The following SIRPA variants were observed in gnomAD, a reference collection of about 807,000 sequenced individuals.
The protein encoded by SIRPA is tyrosine-protein phosphatase non-receptor type substrate 1.
SIRPA carries 9 observed loss-of-function variants against 50.3 expected under a neutral mutation model. The ratio of observed to expected loss-of-function variants is 0.18; its 90% confidence interval spans 0.11 to 0.31. The LOEUF (loss-of-function observed/expected upper bound fraction) is 0.31, where lower values mean the gene tolerates loss of function less well. Ranked by LOEUF, SIRPA falls within the 10% of genes least tolerant of loss-of-function variation. SIRPA has a pLI of 1.00. For missense variants in SIRPA, 474 were observed against 661.6 expected (o/e 0.72, Z 3.11); for synonymous variants, 265 against 284.1 (o/e 0.93, Z 0.68).
Position 1,924,982 on chromosome 20 carries a change from G to C in SIRPA, c.1201+105G>C. 2.3e-6 allele frequency: 2 copies of C among 867,776 alleles called. No individual in the cohort carries two copies. The highest frequency in any genetic ancestry group is 3.8e-6 in the Non-Finnish European group (2 of 528,690). The allele number at this position is 867,776 out of a possible 1,614,324, so 53.8% of individuals were successfully genotyped here. A position where few individuals can be genotyped will look rare whatever the true frequency, so the allele number is the denominator to read the frequency against. ...TTAAGGACATCAGCTTCTGCCAGTAGCAAGAAGTCCAGAGGTAGTGGTGCT... is the reference window on the plus strand; with the variant it reads ...TTAAGGACATCAGCTTCTGCCAGTACCAAGAAGTCCAGAGGTAGTGGTGCT... On this transcript the variant is annotated intron_variant, in intron 5 of 7. Transcript: ENST00000358771. This position sits in a 1 kb window ranked among gnomAD's most constrained non-coding sequence, Gnocchi z 4.5.
At chr20:1,925,847 AT>A (rs1432602934) in intron 5 of SIRPA, among the ~76,000 whole-genome samples, 3 of 152,190 alleles carry the variant, frequency 2.0e-5, no homozygotes, top group Non-Finnish European at 4.4e-5. Context: ...TTAAGCTGGT[AT>A]TTCTGCAACC....
At chr20:1,931,864 C>T (rs1417494376) in intron 6 of SIRPA, among the ~76,000 whole-genome samples, 2 of 152,176 alleles carry the variant, frequency 1.3e-5, no homozygotes, top group South Asian at 2.1e-4. Flanking sequence ...ACTGATCATT[C>T]GATCAGCCAT....
intron 1 of SIRPA, among the ~76,000 whole-genome samples, chr20:1,904,114 A>G (rs1440940518): frequency 6.6e-6 from 1 of 152,118 alleles, no homozygotes; most frequent in African/African-American, 2.4e-5. Flanking sequence ...TAACTACCAC[A>G]GTCCCCCCCC....
chr20:1,921,453 A>G lies in SIRPA; in HGVS notation c.495A>G (p.Thr165=). 1 of 1,613,830 alleles carries G rather than the reference A, an allele frequency of 6.2e-7. No homozygotes were observed. The highest frequency in any genetic ancestry group is 8.5e-7 in the Non-Finnish European group (1 of 1,179,836). Residue 165 remains threonine, a synonymous_variant, in exon 3 of 8, where the codon ACA becomes ACG. Transcript: ENST00000358771. ...GPAARATPQH[T]VSFTCESHGF... is the part of the protein sequence containing the mutation. ...CGGCGAGGGCCACACCTCAGCACAC[A>G]GTGAGCTTCACCTGCGAGTCCCACG...
At chr20:1,921,187 A>G (rs1985627074) in intron 2 of SIRPA, among the ~76,000 whole-genome samples, 1 of 152,126 alleles carries the variant, frequency 6.6e-6, no homozygotes, top group African/African-American at 2.4e-5. Flanking sequence ...CTGCCCCTAC[A>G]CTGTCTGACC....
chr20:1,905,371 C>G (rs1342274033), intron 1 of SIRPA, among the ~76,000 whole-genome samples: 1 of 152,190 alleles, frequency 6.6e-6, no homozygotes, highest in Non-Finnish European at 1.5e-5. Flanking sequence ...CCACCTCTGC[C>G]ACTTACCTAC....
At position 1,895,531 on chromosome 20, in the gene SIRPA, G is replaced by A; in HGVS notation, c.79+5G>A. On this transcript the variant is annotated splice_donor_5th_base_variant and intron_variant, in intron 1 of 7. Transcript: ENST00000358771. ...CCGCGTCCTGCGCCTGGTCAGGTAA[G>A]CACCCCCCCGCTCCCCACCGCTGCA... 1 of 1,446,672 alleles carries A rather than the reference G, an allele frequency of 6.9e-7. No individual in the cohort carries two copies. The highest frequency in any genetic ancestry group is 9.1e-7 in the Non-Finnish European group (1 of 1,101,438). 89.6% of individuals were successfully genotyped at this position (1,446,672 alleles called of 1,614,324 possible).
At position 1,924,077 on chromosome 20, in the gene SIRPA, G is replaced by T. The variant is rs1422970383; in HGVS notation, c.1088-687G>T. On this transcript the variant is annotated intron_variant, in intron 4 of 7. Transcript: ENST00000358771. This position sits in a 1 kb window ranked among gnomAD's most constrained non-coding sequence, Gnocchi z 4.5. ...GAGATGACTGTTGGCCCCAGTAACA[G>T]AAGAAGCAGCCAGGGTTTGGAGGGA... Among the ~76,000 whole-genome samples, 2 of 152,192 alleles carry T rather than the reference G, an allele frequency of 1.3e-5. No individual in the cohort carries two copies. Among genetic ancestry groups the T allele is most frequent in the Non-Finnish European group, 2.9e-5 (2 of 68,036 alleles).
chr20:1,907,952 T>A (rs546760052), intron 1 of SIRPA, among the ~76,000 whole-genome samples: 2 of 152,320 alleles, frequency 1.3e-5, no homozygotes, highest in African/African-American at 4.8e-5. Context: ...CCTTCCTGCA[T>A]GGGGTCATGG....
rs952084847 is a variant in SIRPA at position 1,936,609 on chromosome 20, C to T, written c.1267-711C>T. ...TCTGTCTCCCTGTCCCCAGCTTTGC[C>T]CTGAGTGAAGGTGAAATTATTGCCA... On this transcript the variant is annotated intron_variant, in intron 7 of 7. Transcript: ENST00000358771. The surrounding 1 kb of genome is among the most constrained non-coding windows in gnomAD (Gnocchi z 4.2). Among the ~76,000 whole-genome samples, 1 of 152,168 alleles carries T rather than the reference C, an allele frequency of 6.6e-6. No homozygotes were observed. Among genetic ancestry groups the T allele is most frequent in the South Asian group, 2.1e-4 (1 of 4,816 alleles).
Position 1,937,847 on chromosome 20 carries a change from G to A in SIRPA, c.*279G>A, listed in dbSNP as rs1487173967. On this transcript the variant is annotated 3_prime_UTR_variant, in exon 8 of 8. Transcript: ENST00000358771. The surrounding 1 kb of genome is among the most constrained non-coding windows in gnomAD (Gnocchi z 8.3). ...CTGGGAAGTGGCCAGAACTGCCTGGGGTCCAAGAACTCTTGTGCCTCCGTC... is the reference window on the plus strand; with the variant it reads ...CTGGGAAGTGGCCAGAACTGCCTGGAGTCCAAGAACTCTTGTGCCTCCGTC... The A allele has an allele frequency of 2.9e-5, 14 of 481,418 alleles. No individual in the cohort carries two copies. Among genetic ancestry groups the A allele is most frequent in the Middle Eastern group, 1.1e-3 (2 of 1,832 alleles). The allele number at this position is 481,418 out of a possible 1,614,324, so 29.8% of individuals were successfully genotyped here. A position where few individuals can be genotyped will look rare whatever the true frequency, so the allele number is the denominator to read the frequency against.
chr20:1,906,708 A>AGGTTT (rs1984572932), intron 1 of SIRPA, among the ~76,000 whole-genome samples: 1 of 152,096 alleles, frequency 6.6e-6, no homozygotes, highest in Non-Finnish European at 1.5e-5. Context: ...CACCTGACTT[A>AGGTTT]GGTTTTAGAG....
intron 2 of SIRPA, among the ~76,000 whole-genome samples, chr20:1,918,252 G>A (rs1270047026): frequency 1.3e-5 from 2 of 151,714 alleles, no homozygotes; most frequent in Admixed American, 6.6e-5. Context: ...AGGCTGGAGT[G>A]CAATGGCACC....
chr20:1,914,958 A>G, intron 1 of SIRPA, 141 bp from the exon 2 acceptor site: 1 of 755,102 alleles, frequency 1.3e-6, no homozygotes. Context: ...TGAGGGTCAA[A>G]TGAGATGATA....
intron 1 of SIRPA, among the ~76,000 whole-genome samples, chr20:1,899,129 G>A (rs917054736): frequency 6.6e-6 from 1 of 151,626 alleles, no homozygotes; most frequent in Non-Finnish European, 1.5e-5. Flanking sequence ...AATGTGCTCA[G>A]ATTTCTGGCC....
rs551844354 is a variant in SIRPA at position 1,924,939 on chromosome 20, G to A, written c.1201+62G>A. ...CCCTGGACTGTCCTCGGAGGGAGAC[G>A]CCATTAGGTGCTTTGGGTTAAGGAC... On this transcript the variant is annotated intron_variant, in intron 5 of 7. Coordinates refer to ENST00000358771, the MANE Select transcript of SIRPA (RefSeq NM_001040023.2). The surrounding 1 kb of genome is among the most constrained non-coding windows in gnomAD (Gnocchi z 4.5). 1.8e-5 allele frequency: 23 copies of A among 1,304,272 alleles called. 1 individual carries two copies. The highest frequency in any genetic ancestry group is 2.4e-5 in the South Asian group (2 of 83,242). The allele number at this position is 1,304,272 out of a possible 1,614,324, so 80.8% of individuals were successfully genotyped here. A position where few individuals can be genotyped will look rare whatever the true frequency, so the allele number is the denominator to read the frequency against.
At chr20:1,911,637 G>A (rs767220108) in intron 1 of SIRPA, among the ~76,000 whole-genome samples, 1 of 152,054 alleles carries the variant, frequency 6.6e-6, no homozygotes, top group Non-Finnish European at 1.5e-5. Flanking sequence ...CTGGGGTTAC[G>A]TCCTCAGGGA....
chr20:1,895,198 C>G (rs993621575), upstream of SIRPA: 94 of 372,402 alleles, frequency 2.5e-4, no homozygotes, highest in African/African-American at 2.0e-3. Context: ...CCGCCCCTGG[C>G]TTTATTTCTC....
intron 2 of SIRPA, among the ~76,000 whole-genome samples, chr20:1,920,374 A>T (rs1441394886): frequency 6.6e-6 from 1 of 152,180 alleles, no homozygotes; most frequent in Non-Finnish European, 1.5e-5. Context: ...TATGTGTGAT[A>T]TGTGCTTCCT....
Sources: gnomAD v4.1 joint callset for allele counts (sites outside exome capture counted in the v4.1 genomes callset) on GRCh38, gnomAD v4.1.1 for gene constraint, Gnocchi (gnomAD v3.1) non-coding constraint, MANE v1.5 for transcripts, NCBI Gene and HGNC (gene_info 2026-07-23, HGNC 2026-07-21) for gene names.